Variants in RHOJ observed in about 807,000 individuals in gnomAD.
The protein encoded by RHOJ is ras homolog family member J.
Under a neutral mutation model 23.4 loss-of-function variants are expected in RHOJ, and 11 were observed. The observed-to-expected ratio is 0.47, with a 90% confidence interval of 0.30 to 0.78. RHOJ has a LOEUF of 0.78. Among genes scored for constraint, RHOJ ranks in the 30% least tolerant of loss-of-function variants. The probability of loss-of-function intolerance (pLI) is 0.08; values close to 1 mark genes in which losing one functional copy is unlikely to be tolerated. For missense variants in RHOJ, 254 were observed against 273.4 expected (o/e 0.93, Z 0.50); for synonymous variants, 102 against 102.7 (o/e 0.99, Z 0.04).
chr14:63,260,920 G>T (rs766731826), intron 1 of RHOJ, among the ~76,000 whole-genome samples: 2 of 151,758 alleles, frequency 1.3e-5, no homozygotes, highest in African/African-American at 2.4e-5. Context: ...CACTACATTA[G>T]CTTTTATTCT....
intron 1 of RHOJ, among the ~76,000 whole-genome samples, chr14:63,234,365 G>A (rs954033587): frequency 2.0e-5 from 3 of 152,144 alleles, no homozygotes; most frequent in Non-Finnish European, 4.4e-5. Flanking sequence ...CAGATATCAT[G>A]TTCTGTTGTT....
At position 63,280,976 on chromosome 14, in the gene RHOJ, CT is replaced by C. The variant is rs1394527465; in HGVS notation, c.244del (p.Tyr82ThrfsTer4). 1 of 1,612,090 alleles carries C rather than the reference CT, an allele frequency of 6.2e-7. No homozygotes were observed. Among genetic ancestry groups the C allele is most frequent in the Non-Finnish European group, 8.5e-7 (1 of 1,179,032 alleles). On this transcript the variant is annotated frameshift_variant, in exon 3 of 5. Coordinates refer to ENST00000316754, the MANE Select transcript of RHOJ (RefSeq NM_020663.5). LOFTEE classifies it high-confidence loss of function. ...GLYDTAGQED[Y>X]NQLRPLSYPN... ...CTTGTCTGCTCTTCCCACAGGAGGA[CT>C]ACAACCAGCTGAGGCCACTCTCCTA...
rs1594760884 is a variant in RHOJ at position 63,239,171 on chromosome 14, G to A, written c.179-29939G>A. On this transcript the variant is annotated intron_variant, in intron 1 of 4. Transcript: ENST00000316754. The stretch of plus-strand genomic sequence containing the variant: ...CTCTCACCCAAGCTGGAGTTCAGTG[G>A]CACAATCTCGACTCACCGCAACCTC... Among the ~76,000 whole-genome samples, 3 of 152,014 alleles carry A rather than the reference G, an allele frequency of 2.0e-5. No individual in the cohort carries two copies. The East Asian group carries it at 5.8e-4, about 29-fold the overall frequency.
At chr14:63,269,779 A>T (rs1895433332) in intron 2 of RHOJ, among the ~76,000 whole-genome samples, 1 of 152,228 alleles carries the variant, frequency 6.6e-6, no homozygotes, top group Admixed American at 6.5e-5. Context: ...CAAGTTGGAG[A>T]AACTGGCCCA....
At chr14:63,277,755 T>G (rs569427339) in intron 2 of RHOJ, among the ~76,000 whole-genome samples, 1 of 152,148 alleles carries the variant, frequency 6.6e-6, no homozygotes, top group East Asian at 1.9e-4. Context: ...GCAGGTGGTG[T>G]GGTGAACAGC....
At chr14:63,222,415 G>A (rs1894514357) in intron 1 of RHOJ, among the ~76,000 whole-genome samples, 1 of 152,132 alleles carries the variant, frequency 6.6e-6, no homozygotes, top group African/African-American at 2.4e-5. Context: ...CTTCCACAGT[G>A]GTTGAACTAG....
At chr14:63,225,060 T>G (rs1388904934) in intron 1 of RHOJ, among the ~76,000 whole-genome samples, 5 of 151,136 alleles carry the variant, frequency 3.3e-5, no homozygotes, top group Non-Finnish European at 7.4e-5. Context: ...CACGCCATTC[T>G]CCTGCCTCAG....
intron 2 of RHOJ, among the ~76,000 whole-genome samples, chr14:63,273,342 C>T (rs748618322): frequency 3.3e-5 from 5 of 152,208 alleles, no homozygotes; most frequent in East Asian, 3.8e-4. Flanking sequence ...TCATCCTGTA[C>T]GAGACATATC....
intron 2 of RHOJ, among the ~76,000 whole-genome samples, chr14:63,270,544 T>C (rs182557887): frequency 6.6e-6 from 1 of 152,274 alleles, no homozygotes; most frequent in East Asian, 1.9e-4. Flanking sequence ...CCCTCTGATC[T>C]AAGATACAAG....
intron 1 of RHOJ, among the ~76,000 whole-genome samples, chr14:63,209,942 C>CTTT (rs1190681610): frequency 1.4e-5 from 2 of 146,578 alleles, no homozygotes; most frequent in Non-Finnish European, 3.0e-5. Context: ...ATTGAATTTT[C>CTTT]TTTTTTTTTC....
intron 1 of RHOJ, among the ~76,000 whole-genome samples, chr14:63,227,634 C>A (rs899821373): frequency 6.6e-6 from 1 of 152,124 alleles, no homozygotes; most frequent in African/African-American, 2.4e-5. Flanking sequence ...GTGGGACTGA[C>A]AAATAAATGT....
intron 2 of RHOJ, among the ~76,000 whole-genome samples, chr14:63,275,902 C>A (rs1344560925): frequency 1.3e-5 from 2 of 148,664 alleles, no homozygotes; most frequent in East Asian, 2.0e-4. Flanking sequence ...TCAACTCCCC[C>A]CAACCCCCAG....
chr14:63,256,755 T>C (rs1895172906), intron 1 of RHOJ, among the ~76,000 whole-genome samples: 1 of 152,112 alleles, frequency 6.6e-6, no homozygotes. Context: ...CTGGCCAACA[T>C]GGTGAAACCC....
intron 1 of RHOJ, among the ~76,000 whole-genome samples, chr14:63,259,627 TG>T (rs1895238605): frequency 6.6e-6 from 1 of 152,228 alleles, no homozygotes; most frequent in South Asian, 2.1e-4. Flanking sequence ...CAGTGAAAGA[TG>T]GTCTTGCATA....
intron 4 of RHOJ, among the ~76,000 whole-genome samples, chr14:63,290,283 C>T (rs1376860926): frequency 6.6e-6 from 1 of 152,002 alleles, no homozygotes; most frequent in Non-Finnish European, 1.5e-5. Context: ...ATAATAATGC[C>T]AATTGGATAT....
At chr14:63,255,604 G>T (rs971903246) in intron 1 of RHOJ, among the ~76,000 whole-genome samples, 1 of 124,266 alleles carries the variant, frequency 8.0e-6, no homozygotes, top group Non-Finnish European at 1.6e-5. Flanking sequence ...CCATGCTCCT[G>T]ATTCAAATGC....
intron 1 of RHOJ, among the ~76,000 whole-genome samples, chr14:63,237,495 T>C (rs556811943): frequency 2.0e-4 from 31 of 152,292 alleles, no homozygotes; most frequent in African/African-American, 7.0e-4. Context: ...TTGAAAGTCT[T>C]TATCATTTCT....
At chr14:63,218,866 T>C (rs1193615479) in intron 1 of RHOJ, among the ~76,000 whole-genome samples, 3 of 152,212 alleles carry the variant, frequency 2.0e-5, no homozygotes, top group African/African-American at 7.2e-5. Context: ...GCAGAAGAAA[T>C]GGCTTTGTGT....
At chr14:63,271,357 T>G (rs1043875978) in intron 2 of RHOJ, among the ~76,000 whole-genome samples, 16 of 152,168 alleles carry the variant, frequency 1.1e-4, no homozygotes, top group Admixed American at 9.8e-4. Context: ...GGCAAAAGGA[T>G]TTGAGGCTAG....
Sources: gnomAD v4.1 joint callset for allele counts (sites outside exome capture counted in the v4.1 genomes callset) on GRCh38, gnomAD v4.1.1 for gene constraint, MANE v1.5 for transcripts, NCBI Gene and HGNC (gene_info 2026-07-23, HGNC 2026-07-21) for gene names.